The following TCEA1 variants were observed in gnomAD, a reference collection of about 807,000 sequenced individuals.
TCEA1 encodes transcription elongation factor A protein 1.
Under a neutral mutation model 43.8 loss-of-function variants are expected in TCEA1, and 21 were observed. The observed-to-expected ratio is 0.48, with a 90% confidence interval of 0.34 to 0.69. TCEA1 has a LOEUF of 0.69. Ranked by LOEUF, TCEA1 falls within the 30% of genes least tolerant of loss-of-function variation. TCEA1 has a pLI of 0.01. For synonymous variants in TCEA1, 104 were observed against 117.5 expected (o/e 0.88, Z 0.75); for missense variants, 250 against 365.1 (o/e 0.68, Z 2.57).
chr8:54,003,393 G>T (rs1233363504), intron 2 of TCEA1, among the ~76,000 whole-genome samples: 1 of 152,038 alleles, frequency 6.6e-6, no homozygotes, highest in Non-Finnish European at 1.5e-5. Context: ...GAAATGCAAA[G>T]GACCCAAAAC....
At chr8:54,011,007 G>T (rs1176180391) in intron 1 of TCEA1, among the ~76,000 whole-genome samples, 1 of 151,974 alleles carries the variant, frequency 6.6e-6, no homozygotes, top group Non-Finnish European at 1.5e-5. Context: ...GTAGAGATGG[G>T]GGCCAAGCTG....
intron 1 of TCEA1, among the ~76,000 whole-genome samples, chr8:54,011,004 T>C (rs1248957041): frequency 6.6e-6 from 1 of 152,084 alleles, no homozygotes; most frequent in Non-Finnish European, 1.5e-5. Context: ...TTAGTAGAGA[T>C]GGGGGCCAAG....
chr8:54,016,348 G>A (rs1455601792), intron 1 of TCEA1, among the ~76,000 whole-genome samples: 1 of 152,174 alleles, frequency 6.6e-6, no homozygotes, highest in African/African-American at 2.4e-5. Flanking sequence ...CTGGGTGCCT[G>A]TAGCCCCAGC....
At chr8:53,985,908 A>G (rs999562871) in intron 6 of TCEA1, among the ~76,000 whole-genome samples, 1 of 152,226 alleles carries the variant, frequency 6.6e-6, no homozygotes, top group African/African-American at 2.4e-5. Context: ...TCAATCTACA[A>G]GGCAGAAAAA....
intron 3 of TCEA1, among the ~76,000 whole-genome samples, chr8:53,996,717 AC>A (rs1290350213): frequency 6.6e-6 from 1 of 152,178 alleles, no homozygotes; most frequent in Non-Finnish European, 1.5e-5. Flanking sequence ...TGATAGAAAA[AC>A]AAACTATTTT....
At chr8:53,982,513 C>G (rs1803543980) in intron 7 of TCEA1, among the ~76,000 whole-genome samples, 1 of 148,088 alleles carries the variant, frequency 6.8e-6, no homozygotes. Context: ...GAGACTAAGG[C>G]AGGAGAATCG....
intron 2 of TCEA1, among the ~76,000 whole-genome samples, chr8:54,001,330 C>T (rs544788786): frequency 2.6e-5 from 4 of 151,950 alleles, no homozygotes; most frequent in Admixed American, 6.6e-5. Context: ...GAAAAATATA[C>T]GGGTACTTGA....
At chr8:53,986,860 T>C in intron 6 of TCEA1, 109 bp downstream of exon 6, 1 of 765,644 alleles carries the variant, frequency 1.3e-6, no homozygotes, top group Non-Finnish European at 2.1e-6. Flanking sequence ...TGAGAGCACC[T>C]AATTCATTGG....
chr8:54,012,095 A>G (rs1195646426), intron 1 of TCEA1, among the ~76,000 whole-genome samples: 3 of 152,234 alleles, frequency 2.0e-5, no homozygotes, highest in Non-Finnish European at 4.4e-5. Flanking sequence ...CATTGTTGTG[A>G]GTAAATGAAG....
Position 53,993,720 on chromosome 8 carries a change from T to G in TCEA1, c.268A>C (p.Lys90Gln), listed in dbSNP as rs771234542. 1 of 1,613,836 alleles carries G rather than the reference T, an allele frequency of 6.2e-7. No homozygotes were observed. Among genetic ancestry groups the G allele is most frequent in the South Asian group, 1.1e-5 (1 of 91,030 alleles). ...PSTEKDLDEK[K>Q]KEPAITSQNS... ...TGCGATGTAATTGCAGGTTCTTTCT[T>G]CTTTTCGTCAAGGTCTTTCTCAGTT... Residue 90 changes from lysine to glutamine, a missense_variant, in exon 4 of 10, where the codon AAG (lysine) becomes CAG (glutamine). Transcript: ENST00000521604.
intron 7 of TCEA1, among the ~76,000 whole-genome samples, chr8:53,981,927 C>CTTTT (rs35034211): frequency 1.8e-4 from 23 of 128,146 alleles, no homozygotes; most frequent in African/African-American, 5.6e-4. Context: ...GCTAAGTTTT[C>CTTTT]TTTTTTTTTT....
At chr8:53,998,184 C>A (rs879799865) in intron 3 of TCEA1, among the ~76,000 whole-genome samples, 15 of 152,058 alleles carry the variant, frequency 9.9e-5, no homozygotes, top group South Asian at 8.3e-4. Context: ...GATACATGCC[C>A]CCACACATAC....
intron 4 of TCEA1, among the ~76,000 whole-genome samples, chr8:53,991,511 AT>A (rs1181958190): frequency 6.6e-6 from 1 of 151,882 alleles, no homozygotes; most frequent in Non-Finnish European, 1.5e-5. Flanking sequence ...CCTGATCAAA[AT>A]GGAGAAACCC....
intron 4 of TCEA1, among the ~76,000 whole-genome samples, chr8:53,991,875 A>C (rs1803894741): frequency 6.6e-6 from 1 of 151,174 alleles, no homozygotes; most frequent in Non-Finnish European, 1.5e-5. Flanking sequence ...AATATGTTTA[A>C]TATATATATT....
At chr8:53,994,879 A>G (rs1375652551) in intron 3 of TCEA1, among the ~76,000 whole-genome samples, 2 of 151,698 alleles carry the variant, frequency 1.3e-5, no homozygotes, top group African/African-American at 4.8e-5. Flanking sequence ...TCAAAAAAAA[A>G]AAGAGGTAAG....
intron 8 of TCEA1, chr8:53,972,704 G>T: frequency 1.5e-6 from 1 of 658,386 alleles, no homozygotes; most frequent in Non-Finnish European, 2.9e-6. Flanking sequence ...CCCCAAAAAA[G>T]GACTGGACCT....
intron 2 of TCEA1, among the ~76,000 whole-genome samples, chr8:54,006,489 A>G (rs993330182): frequency 6.6e-6 from 1 of 152,212 alleles, no homozygotes; most frequent in Non-Finnish European, 1.5e-5. Flanking sequence ...CAAAGAAAAA[A>G]AAAACCTCGA....
rs1803757830 is a variant in TCEA1 at position 53,988,254 on chromosome 8, G to C, written c.326C>G (p.Ser109Cys). ...CTTTCTGTTGCTTACATTGCCGCTGGAAGTACTGAAATACGCACAAACACC... is the reference window on the plus strand; with the variant it reads ...CTTTCTGTTGCTTACATTGCCGCTGCAAGTACTGAAATACGCACAAACACC... ...NSPEAREEST[S>C]SGNVSNRKDE... Residue 109 changes from serine to cysteine, a missense_variant, in exon 5 of 10, where the codon TCC (serine) becomes TGC (cysteine). Transcript: ENST00000521604. 1 of 1,612,286 alleles carries C rather than the reference G, an allele frequency of 6.2e-7. No individual in the cohort carries two copies. Among genetic ancestry groups the C allele is most frequent in the South Asian group, 1.1e-5 (1 of 91,000 alleles).
intron 8 of TCEA1, among the ~76,000 whole-genome samples, chr8:53,975,744 G>A (rs1296691074): frequency 1.3e-5 from 2 of 152,132 alleles, no homozygotes; most frequent in East Asian, 3.8e-4. Flanking sequence ...AGAGGGGAAT[G>A]GGGAGTTACT....
Sources: allele counts gnomAD v4.1 joint callset (sites outside exome capture counted in the v4.1 genomes callset), GRCh38; gene constraint gnomAD v4.1.1; transcripts MANE v1.5; gene names NCBI Gene and HGNC (gene_info 2026-07-23, HGNC 2026-07-21).